Variants in PPP1R13B observed in about 807,000 individuals in gnomAD.
The protein encoded by PPP1R13B is protein phosphatase 1 regulatory subunit 13B, also known as apoptosis-stimulating of p53 protein 1.
PPP1R13B carries 44 observed loss-of-function variants against 119.8 expected under a neutral mutation model. That is an observed-to-expected ratio of 0.37 (90% CI 0.29 to 0.47). The LOEUF (loss-of-function observed/expected upper bound fraction) is 0.47, where lower values mean the gene tolerates loss of function less well. Among genes scored for constraint, PPP1R13B ranks in the 20% least tolerant of loss-of-function variants. The pLI, the probability that PPP1R13B is intolerant of heterozygous loss-of-function variation, is 0.99. For synonymous variants in PPP1R13B, 542 were observed against 561.5 expected, an observed-to-expected ratio of 0.97 and a Z score of 0.49; for missense variants, 1,227 against 1,413.5, an observed-to-expected ratio of 0.87 and a Z score of 2.12.
At chr14:103,778,676 G>T in intron 4 of PPP1R13B, 69 bp downstream of exon 4, 1 of 1,314,616 alleles carries the variant, frequency 7.6e-7, no homozygotes, top group Non-Finnish European at 1.1e-6. Context: ...AAAGTGCTGA[G>T]ATTACAGGTG....
chr14:103,820,338 C>T (rs1263285828), intron 1 of PPP1R13B, among the ~76,000 whole-genome samples: 1 of 152,120 alleles, frequency 6.6e-6, no homozygotes, highest in African/African-American at 2.4e-5. Context: ...ATCACCTTTC[C>T]TTTTGTTTTA....
At chr14:103,811,739 T>C (rs1174188780) in intron 1 of PPP1R13B, among the ~76,000 whole-genome samples, 1 of 151,982 alleles carries the variant, frequency 6.6e-6, no homozygotes, top group African/African-American at 2.4e-5. Context: ...ATAACTCTTT[T>C]TTCTTTTTTG....
chr14:103,769,997 T>C (rs1365407076), intron 4 of PPP1R13B, among the ~76,000 whole-genome samples: 2 of 152,128 alleles, frequency 1.3e-5, no homozygotes, highest in African/African-American at 4.8e-5. Flanking sequence ...AAATGCATAC[T>C]AGCTCCCTAT....
rs527366188 is a variant in PPP1R13B at position 103,809,199 on chromosome 14, T to G, written c.10-11681A>C. ...TGAGTAGCATCTACTCAAAGTTAAA[T>G]AGCCACTACAATAGATCTCAATAAC... On this transcript the variant is annotated intron_variant, in intron 1 of 16. Coordinates refer to ENST00000202556, the MANE Select transcript of PPP1R13B (RefSeq NM_015316.3). Among the ~76,000 whole-genome samples, 37 of 152,302 alleles carry G rather than the reference T, an allele frequency of 2.4e-4. 1 individual carries two copies. Among genetic ancestry groups the G allele is most frequent in the Non-Finnish European group, 3.8e-4 (26 of 68,026 alleles).
intron 1 of PPP1R13B, among the ~76,000 whole-genome samples, chr14:103,833,321 T>C (rs2086700639): frequency 6.6e-6 from 1 of 152,150 alleles, no homozygotes; most frequent in Non-Finnish European, 1.5e-5. Flanking sequence ...CATACCATGC[T>C]GATTCAGACC....
intron 3 of PPP1R13B, among the ~76,000 whole-genome samples, chr14:103,779,853 C>T (rs1293904003): frequency 6.6e-6 from 1 of 151,564 alleles, no homozygotes; most frequent in Non-Finnish European, 1.5e-5. Context: ...AAAAAATTTT[C>T]AAAAAGGCAT....
chr14:103,761,658 G>T (rs1245652487), intron 4 of PPP1R13B, among the ~76,000 whole-genome samples: 1 of 151,838 alleles, frequency 6.6e-6, no homozygotes, highest in Non-Finnish European at 1.5e-5. Context: ...AGCTACTCGG[G>T]AGGCTGAGGC....
chr14:103,747,273 T>C (rs1196332910), intron 8 of PPP1R13B: 1 of 152,110 alleles, frequency 6.6e-6, no homozygotes, highest in Non-Finnish European at 1.5e-5. Flanking sequence ...TGAGGACAGG[T>C]CATTTCGGGG....
chr14:103,737,516 C>G, intron 15 of PPP1R13B, 178 bp downstream of exon 15: 2 of 757,300 alleles, frequency 2.6e-6, no homozygotes, highest in Non-Finnish European at 4.0e-6. Flanking sequence ...GTCGAGGCTG[C>G]AGTGAGCCAT....
intron 1 of PPP1R13B, among the ~76,000 whole-genome samples, chr14:103,828,045 G>A (rs1194031020): frequency 6.6e-6 from 1 of 152,052 alleles, no homozygotes; most frequent in Non-Finnish European, 1.5e-5. Context: ...GGGCTCTAAT[G>A]TTTTTGTTTT....
At chr14:103,825,047 C>G (rs1467052513) in intron 1 of PPP1R13B, among the ~76,000 whole-genome samples, 11 of 152,172 alleles carry the variant, frequency 7.2e-5, no homozygotes, top group Admixed American at 6.6e-4. Flanking sequence ...TCACAATTCT[C>G]TCAATATTTC....
intron 2 of PPP1R13B, among the ~76,000 whole-genome samples, chr14:103,785,833 A>G (rs937957494): frequency 5.9e-5 from 9 of 151,764 alleles, no homozygotes; most frequent in African/African-American, 2.2e-4. Context: ...CATTCTTGAA[A>G]GAAACATAAA....
chr14:103,758,825 G>A (rs1366122927), intron 4 of PPP1R13B, among the ~76,000 whole-genome samples: 1 of 152,158 alleles, frequency 6.6e-6, no homozygotes, highest in Non-Finnish European at 1.5e-5. Flanking sequence ...TTCACCTTCT[G>A]CCACCCTTAA....
intron 1 of PPP1R13B, 55 bp from the exon 2 acceptor site, chr14:103,797,573 A>T: frequency 3.4e-6 from 5 of 1,475,140 alleles, no homozygotes; most frequent in Non-Finnish European, 4.6e-6. Context: ...AAACAGATTA[A>T]TCTGTAAATT....
chr14:103,846,950 C>T, intron 1 of PPP1R13B: 1 of 1,206,938 alleles, frequency 8.3e-7, no homozygotes, highest in Non-Finnish European at 1.1e-6. Flanking sequence ...ACGTTCGTTT[C>T]AGGCGGGTCA....
In PPP1R13B at chr14:103,740,462, C is replaced by T; in HGVS notation, c.1954G>A (p.Asp652Asn). The change falls in exon 12 of 17, where the codon GAT becomes AAT. Residue 652 changes from aspartate (D) to asparagine (N), a missense_variant. Physicochemically the swap from Asp to Asn is conservative, Grantham distance 23 (BLOSUM62 1). Transcript: ENST00000202556. The surrounding 1 kb of genome is among the most constrained non-coding windows in gnomAD (Gnocchi z 4.6). Reference sequence around the variant, plus strand: ...CCATCTGCGGGGGCGGCGGGGCCATCCTGCTCAGGCTCTTTCTCAGTACTT... The same window carrying T: ...CCATCTGCGGGGGCGGCGGGGCCATTCTGCTCAGGCTCTTTCTCAGTACTT... ...SESTEKEPEQ[D>N]GPAAPADGST... The T allele has an allele frequency of 6.2e-7, 1 of 1,609,132 alleles. No individual in the cohort carries two copies. Among genetic ancestry groups the T allele is most frequent in the Non-Finnish European group, 8.5e-7 (1 of 1,176,706 alleles).
intron 1 of PPP1R13B, among the ~76,000 whole-genome samples, chr14:103,845,678 C>G (rs536642704): frequency 1.2e-3 from 190 of 152,108 alleles, no homozygotes; most frequent in Non-Finnish European, 1.6e-3. Context: ...CATTATACAA[C>G]GACGAAGCCA....
Position 103,753,049 on chromosome 14 carries a change from A to G in PPP1R13B, c.779T>C (p.Leu260Ser), listed in dbSNP as rs201869038. Reference protein sequence around the residue: ...LNGFQSYNGKLTGPAAVELKR... With the variant: ...LNGFQSYNGKSTGPAAVELKR... ...TAACTCCACCGCCGCTGGTCCCGTC[A>G]ATTTGCCATTGTAAGACTGGAACCC... Residue 260 changes from leucine to serine, a missense_variant, in exon 7 of 17, where the codon TTG becomes TCG. Physicochemically the swap from Leu to Ser is moderately radical, Grantham distance 145. Coordinates refer to ENST00000202556, the MANE Select transcript of PPP1R13B (RefSeq NM_015316.3). 34 of 1,614,024 alleles carry G rather than the reference A, an allele frequency of 2.1e-5. No homozygotes were observed. The East Asian group carries it at 7.1e-4, about 34-fold the overall frequency.
chr14:103,735,261 G>A (rs376891909), intron 16 of PPP1R13B, 66 bp from the exon 17 acceptor site: 72 of 1,537,340 alleles, frequency 4.7e-5, no homozygotes, highest in Middle Eastern at 2.2e-4. Flanking sequence ...AGCCAGACCC[G>A]ACCCCTGCTC....
Sources: gnomAD v4.1 joint callset for allele counts (sites outside exome capture counted in the v4.1 genomes callset) on GRCh38, gnomAD v4.1.1 for gene constraint, Gnocchi (gnomAD v3.1) non-coding constraint, MANE v1.5 for transcripts, NCBI Gene and HGNC (gene_info 2026-07-23, HGNC 2026-07-21) for gene names.